Variants in IPO8 observed in about 807,000 individuals in gnomAD.
IPO8 encodes the protein importin 8.
A neutral mutation model predicts 141.2 loss-of-function variants in IPO8; 65 were observed. The observed-to-expected ratio is 0.46, with a 90% confidence interval of 0.38 to 0.57. The LOEUF is 0.57. Ranked by LOEUF, IPO8 falls within the 20% of genes least tolerant of loss-of-function variation. The pLI, the probability that IPO8 is intolerant of heterozygous loss-of-function variation, is 0.00. For synonymous variants in IPO8, 411 were observed against 420.3 expected (o/e 0.98, Z 0.27); for missense variants, 980 against 1,246.8 (o/e 0.79, Z 3.22).
intron 17 of IPO8, among the ~76,000 whole-genome samples, chr12:30,655,981 C>A (rs926812723): frequency 6.6e-6 from 1 of 152,200 alleles, no homozygotes; most frequent in Admixed American, 6.5e-5. Flanking sequence ...CAGCTTGTAA[C>A]ATCTAGCATT....
At chr12:30,674,597 T>C in intron 7 of IPO8, 62 bp downstream of exon 7, 1 of 1,216,532 alleles carries the variant, frequency 8.2e-7, no homozygotes, top group African/African-American at 1.5e-5. Context: ...TAAAGACAGA[T>C]AATCATATCT....
In IPO8 at chr12:30,661,037, C is replaced by T. The variant is rs147145074; in HGVS notation, c.1881+104G>A. ...CAATTTTTAAAGCCTAGCAACATAA[C>T]TAAGTAGCAATTTAAAAGTGGAGAC... On this transcript the variant is annotated intron_variant, in intron 16 of 24. Coordinates refer to ENST00000256079, the MANE Select transcript of IPO8 (RefSeq NM_006390.4). 915 of 767,706 alleles carry T rather than the reference C, an allele frequency of 1.2e-3. 4 individuals are homozygous for T. In the African/African-American group the frequency reaches 0.014, roughly 12 times the overall value. The allele number at this position is 767,706 out of a possible 1,614,324, so 47.6% of individuals were successfully genotyped here.
At chr12:30,631,303 C>A (rs774002450) in intron 24 of IPO8, among the ~76,000 whole-genome samples, 2 of 152,162 alleles carry the variant, frequency 1.3e-5, no homozygotes, top group Non-Finnish European at 2.9e-5. Flanking sequence ...TAAGTCCATG[C>A]AGAAGAGCCA....
chr12:30,673,051 G>A (rs2053073013), intron 8 of IPO8, among the ~76,000 whole-genome samples: 1 of 152,126 alleles, frequency 6.6e-6, no homozygotes, highest in African/African-American at 2.4e-5. Context: ...GAGATCACGA[G>A]TTCAAGATCA....
chr12:30,679,863 T>G (rs1476243050), intron 5 of IPO8, among the ~76,000 whole-genome samples: 1 of 152,212 alleles, frequency 6.6e-6, no homozygotes, highest in East Asian at 1.9e-4. Flanking sequence ...CAATCAGACC[T>G]AAATAATTTA....
chr12:30,674,680 A>G lies in IPO8; in HGVS notation c.803T>C (p.Ile268Thr), dbSNP rs370769886. 2.5e-6 allele frequency: 4 copies of G among 1,612,516 alleles called. No homozygotes were observed. The highest frequency in any genetic ancestry group is 2.5e-6 in the Non-Finnish European group (3 of 1,178,600). ...TTACCGTTCAAAGAGCCGAGCTACA[A>G]TATGCAGTGCCCACTTCTTACACTT... ...WWKCKKWALH[I>T]VARLFERYGS... Residue 268 changes from isoleucine to threonine, a missense_variant, in exon 7 of 25, where the codon ATT (isoleucine) becomes ACT (threonine). Ile to Thr is a moderately conservative substitution (Grantham distance 89). This residue lies in a region of IPO8 where 924 missense variants were observed against 1,153.9 expected (regional missense o/e 0.80). Transcript: ENST00000256079.
intron 20 of IPO8, among the ~76,000 whole-genome samples, chr12:30,645,119 A>C (rs1329229538): frequency 6.6e-6 from 1 of 150,978 alleles, no homozygotes; most frequent in Non-Finnish European, 1.5e-5. Flanking sequence ...CACGCCTGTA[A>C]TCCCAGCACT....
chr12:30,674,565 G>T, intron 7 of IPO8, 94 bp downstream of exon 7: 1 of 907,566 alleles, frequency 1.1e-6, no homozygotes, highest in South Asian at 1.3e-5. Context: ...TAAACAGAGT[G>T]ACTCTTGGCT....
chr12:30,680,724 C>T (rs1167695603), intron 4 of IPO8, 86 bp from the exon 5 acceptor site: 2 of 1,084,778 alleles, frequency 1.8e-6, no homozygotes, highest in East Asian at 2.7e-5. Context: ...TTTTTAAATA[C>T]ATAAAACTAA....
intron 18 of IPO8, 40 bp downstream of exon 18, chr12:30,652,927 G>A: frequency 6.4e-7 from 1 of 1,554,322 alleles, no homozygotes; most frequent in South Asian, 1.2e-5. Context: ...GAAGTATCTA[G>A]ACACAGAAAA....
At position 30,629,865 on chromosome 12, in the gene IPO8, A is replaced by T. The variant is rs905804880; in HGVS notation, c.*995T>A. 9 of 152,284 alleles carry T rather than the reference A, an allele frequency of 5.9e-5. No individual in the cohort carries two copies. The highest frequency in any genetic ancestry group is 3.3e-4 in the Admixed American group (5 of 15,300). 9.4% of individuals were successfully genotyped at this position (152,284 alleles called of 1,614,324 possible). ...GGGTCTTTTTCCTAGATTAAAAAAA[A>T]ATATTATAAAATGCTTTGGACCCTA... On this transcript the variant is annotated 3_prime_UTR_variant, in exon 25 of 25. Transcript: ENST00000256079.
chr12:30,688,964 T>C (rs1157371586), intron 2 of IPO8, among the ~76,000 whole-genome samples: 1 of 152,042 alleles, frequency 6.6e-6, no homozygotes, highest in Non-Finnish European at 1.5e-5. Context: ...AAGCGAAATG[T>C]CCATCAATAT....
chr12:30,688,636 A>T lies in IPO8; in HGVS notation c.166+1860T>A, dbSNP rs1007406425. 27 of 184,408 alleles carry T rather than the reference A, an allele frequency of 1.5e-4. No homozygotes were observed. In the Admixed American group the frequency reaches 1.7e-3, roughly 12 times the overall value. 11.4% of individuals were successfully genotyped at this position (184,408 alleles called of 1,614,324 possible). A position where few individuals can be genotyped will look rare whatever the true frequency, so the allele number is the denominator to read the frequency against. On this transcript the variant is annotated intron_variant, in intron 2 of 24. Coordinates refer to ENST00000256079, the MANE Select transcript of IPO8 (RefSeq NM_006390.4). ...ATACCACTTAAATTTAGGATTTGAAATCTAAATTATGAAAAAACAAATTAT... is the reference window on the plus strand; with the variant it reads ...ATACCACTTAAATTTAGGATTTGAATTCTAAATTATGAAAAAACAAATTAT...
Position 30,676,552 on chromosome 12 carries a change from G to A in IPO8, c.675C>T (p.Thr225=), listed in dbSNP as rs1454077994. 5.6e-6 allele frequency: 9 copies of A among 1,613,122 alleles called. No individual in the cohort carries two copies. The Admixed American group carries it at 1.5e-4, about 27-fold the overall frequency. The change falls in exon 6 of 25, where the codon ACC becomes ACT. Residue 225 remains threonine, a synonymous_variant. Transcript: ENST00000256079. ...GGAAGATCTCCATCCATGTTGTCAT[G>A]GTTTGGTTATTCACTAGCTGAAGAG... ...ALPLQLVNNQ[T]MTTWMEIFRT...
chr12:30,684,981 A>G (rs1426087612), intron 2 of IPO8, among the ~76,000 whole-genome samples: 1 of 152,216 alleles, frequency 6.6e-6, no homozygotes, highest in Non-Finnish European at 1.5e-5. Flanking sequence ...ATTTTTGGAA[A>G]AAAGCTCAGA....
intron 18 of IPO8, among the ~76,000 whole-genome samples, 181 bp downstream of exon 18, chr12:30,652,786 T>G (rs1272141259): frequency 6.6e-6 from 1 of 152,024 alleles, no homozygotes; most frequent in African/African-American, 2.4e-5. Flanking sequence ...ACAGCCTACC[T>G]CCTCTGCCTA....
rs202021035 is a variant in IPO8 at position 30,664,723 on chromosome 12, C to G, written c.1428+497G>C. Reference sequence around the variant, plus strand: ...AGGGTGACAAATGAAATAAAACCAGCAGGAAATAAAATCCATAAATATTTT... The same window carrying G: ...AGGGTGACAAATGAAATAAAACCAGGAGGAAATAAAATCCATAAATATTTT... On this transcript the variant is annotated intron_variant, in intron 13 of 24. Transcript: ENST00000256079. Among the ~76,000 whole-genome samples the G allele has an allele frequency of 2.7e-5, 4 of 150,758 alleles. No individual in the cohort carries two copies. In the East Asian group the frequency reaches 7.8e-4, roughly 29 times the overall value.
At chr12:30,676,856 T>G (rs2136166007) in intron 5 of IPO8, 1 of 1,283,384 alleles carries the variant, frequency 7.8e-7, no homozygotes, top group Non-Finnish European at 1.1e-6. Flanking sequence ...GTCTCATTTA[T>G]TCAGCATGAG....
intron 24 of IPO8, among the ~76,000 whole-genome samples, chr12:30,631,267 T>C (rs2052428503): frequency 6.6e-6 from 1 of 152,214 alleles, no homozygotes; most frequent in African/African-American, 2.4e-5. Flanking sequence ...GAAGGCTGAC[T>C]GAGAATCTGC....
Sources: allele counts gnomAD v4.1 joint callset (sites outside exome capture counted in the v4.1 genomes callset), GRCh38; gene constraint gnomAD v4.1.1; regional missense constraint gnomAD v4.1.1; transcripts MANE v1.5; gene names NCBI Gene and HGNC (gene_info 2026-07-23, HGNC 2026-07-21).